The following BRINP3 variants were observed in gnomAD, a reference collection of about 807,000 sequenced individuals.
BRINP3 encodes BMP/retinoic acid-inducible neural-specific protein 3.
In BRINP3, 19 loss-of-function variants were observed where a neutral mutation model predicts 71.0. The ratio of observed to expected loss-of-function variants is 0.27; its 90% CI spans 0.19 to 0.39. The LOEUF (loss-of-function observed/expected upper bound fraction) is 0.39, where lower values mean the gene tolerates loss of function less well. Among genes scored for constraint, BRINP3 ranks in the 10% least tolerant of loss-of-function variants. BRINP3 has a pLI of 1.00. For missense variants in BRINP3, 959 were observed against 940.8 expected, an observed-to-expected ratio of 1.02 and a Z score of -0.25; for synonymous variants, 380 against 337.7, an observed-to-expected ratio of 1.13 and a Z score of -1.37.
At chr1:190,122,490 A>C (rs890946120) in intron 7 of BRINP3, among the ~76,000 whole-genome samples, 6 of 149,054 alleles carry the variant, frequency 4.0e-5, no homozygotes, top group African/African-American at 1.5e-4. Context: ...TCAGAGGCAG[A>C]TTGAAGTAAT....
chr1:190,151,345 C>T (rs1260506845), intron 7 of BRINP3, among the ~76,000 whole-genome samples: 1 of 152,052 alleles, frequency 6.6e-6, no homozygotes, highest in Admixed American at 6.6e-5. Flanking sequence ...CGGTCAAAAA[C>T]ATTGTAAGAT....
intron 7 of BRINP3, among the ~76,000 whole-genome samples, chr1:190,127,488 T>G (rs1170042172): frequency 6.6e-6 from 1 of 151,880 alleles, no homozygotes; most frequent in African/African-American, 2.4e-5. Context: ...TCCTGTCTTT[T>G]CTTCTTTTTA....
In BRINP3 at chr1:190,307,258, G is replaced by GTTTTT. The variant is rs71123082; in HGVS notation, c.237-25513_237-25509dup. Among the ~76,000 whole-genome samples, 11 of 52,634 alleles carry GTTTTT rather than the reference G, an allele frequency of 2.1e-4. 1 individual carries two copies. Among genetic ancestry groups the GTTTTT allele is most frequent in the Admixed American group, 3.2e-4 (1 of 3,172 alleles). 34.5% of individuals were successfully genotyped at this position (52,634 alleles called of 152,430 possible). ...AACTGAGCTCCTCATTTAAAACATT[G>GTTTTT]TTTTTTTTTTTTTTTTTTTTTTTTT... On this transcript the variant is annotated intron_variant, in intron 2 of 7. Transcript: ENST00000367462.
chr1:190,249,270 A>G (rs1334848004), intron 4 of BRINP3, among the ~76,000 whole-genome samples: 1 of 151,828 alleles, frequency 6.6e-6, no homozygotes, highest in East Asian at 1.9e-4. Context: ...CACAGCACAG[A>G]CACTGAATAA....
intron 4 of BRINP3, among the ~76,000 whole-genome samples, chr1:190,245,654 C>A (rs1278971510): frequency 6.6e-6 from 1 of 151,804 alleles, no homozygotes; most frequent in Admixed American, 6.6e-5. Context: ...GCACAACGTG[C>A]AAGTTTGTTA....
At chr1:190,127,289 G>A (rs928006663) in intron 7 of BRINP3, among the ~76,000 whole-genome samples, 6 of 151,688 alleles carry the variant, frequency 4.0e-5, no homozygotes, top group Admixed American at 4.0e-4. Context: ...GCCTAAGTGA[G>A]AAACACCTAA....
intron 7 of BRINP3, among the ~76,000 whole-genome samples, chr1:190,148,820 GT>G (rs1462978069): frequency 3.3e-5 from 5 of 151,830 alleles, no homozygotes; most frequent in Admixed American, 6.6e-5. Flanking sequence ...ATTACTTAAT[GT>G]TTTTTGCATG....
chr1:190,444,326 TTTC>T (rs776258679), intron 2 of BRINP3, among the ~76,000 whole-genome samples: 19 of 150,362 alleles, frequency 1.3e-4, no homozygotes, highest in Non-Finnish European at 2.2e-4. Flanking sequence ...TAAATCCAAT[TTTC>T]TTCTTTTGTG....
chr1:190,264,711 A>G (rs375424120), intron 4 of BRINP3, among the ~76,000 whole-genome samples, 154 bp downstream of exon 4: 2 of 152,222 alleles, frequency 1.3e-5, no homozygotes, highest in South Asian at 4.1e-4. Flanking sequence ...TTCATCTTAA[A>G]TATATTACAT....
intron 2 of BRINP3, among the ~76,000 whole-genome samples, chr1:190,447,299 G>GTA (rs5779531): frequency 0.017 from 2,474 of 144,254 alleles, 66 homozygotes; most frequent in African/African-American, 0.058. Flanking sequence ...GTGTAAAATA[G>GTA]TATATATATA....
chr1:190,381,306 A>AAAAC (rs1553307287), intron 2 of BRINP3, among the ~76,000 whole-genome samples: 4,585 of 152,056 alleles, frequency 0.03, 118 homozygotes, highest in Non-Finnish European at 0.04. Context: ...AAACAAAAAA[A>AAAAC]CACCGACGAT....
chr1:190,377,537 G>A (rs1670257260), intron 2 of BRINP3, among the ~76,000 whole-genome samples: 1 of 145,598 alleles, frequency 6.9e-6, no homozygotes, highest in African/African-American at 2.6e-5. Flanking sequence ...ATCTCTACTT[G>A]CAGAGGAAAT....
chr1:190,098,214 T>C lies in BRINP3; in HGVS notation c.2105A>G (p.Gln702Arg). The C allele has an allele frequency of 6.2e-7, 1 of 1,614,172 alleles. No homozygotes were observed. The highest frequency in any genetic ancestry group is 8.5e-7 in the Non-Finnish European group (1 of 1,180,038). ...TACACGGTCTCTGATCTCTAGTAGT[T>C]GCAAAAGTGCTGAATCCTGGGATCC... is the stretch of plus-strand genomic sequence containing the variant. The part of the protein sequence containing the change: ...TQGSQDSALL[Q>R]LLEIRDRVNK... Residue 702 changes from glutamine (Q) to arginine (R), a missense_variant, in exon 8 of 8, where the codon CAA (glutamine) becomes CGA (arginine). Gln to Arg is a conservative substitution (Grantham distance 43). Coordinates refer to ENST00000367462, the MANE Select transcript of BRINP3 (RefSeq NM_199051.3).
intron 2 of BRINP3, among the ~76,000 whole-genome samples, chr1:190,295,883 G>T (rs1168659730): frequency 2.0e-5 from 3 of 151,902 alleles, no homozygotes; most frequent in Non-Finnish European, 4.4e-5. Flanking sequence ...CCCCTCTTTT[G>T]GTTATTATAC....
chr1:190,453,251 C>G (rs1372258179), intron 2 of BRINP3, among the ~76,000 whole-genome samples: 1 of 77,504 alleles, frequency 1.3e-5, no homozygotes, highest in Non-Finnish European at 2.4e-5. Context: ...GACGGAGGCT[C>G]GCTCTGTCGC....
At chr1:190,385,039 C>T (rs1388959132) in intron 2 of BRINP3, among the ~76,000 whole-genome samples, 1 of 151,888 alleles carries the variant, frequency 6.6e-6, no homozygotes, top group Non-Finnish European at 1.5e-5. Flanking sequence ...AAACTGGATC[C>T]CTTCCTTACA....
chr1:190,112,304 G>T (rs1652763963), intron 7 of BRINP3, among the ~76,000 whole-genome samples: 1 of 152,144 alleles, frequency 6.6e-6, no homozygotes, highest in Non-Finnish European at 1.5e-5. Flanking sequence ...CCATATCACA[G>T]TGTTCCTGCA....
intron 2 of BRINP3, among the ~76,000 whole-genome samples, chr1:190,353,865 T>A (rs995363732): frequency 2.0e-5 from 3 of 152,008 alleles, no homozygotes; most frequent in Non-Finnish European, 2.9e-5. Flanking sequence ...CCCTTTAACA[T>A]CCTCTAAATA....
chr1:190,232,991 C>T (rs1423883473), intron 5 of BRINP3, among the ~76,000 whole-genome samples: 15 of 152,014 alleles, frequency 9.9e-5, no homozygotes, highest in Admixed American at 9.2e-4. Flanking sequence ...AATTGGATAA[C>T]ATTTAAATTG....
Sources: gnomAD v4.1 joint callset for allele counts (sites outside exome capture counted in the v4.1 genomes callset) on GRCh38, gnomAD v4.1.1 for gene constraint, MANE v1.5 for transcripts, NCBI Gene and HGNC (gene_info 2026-07-23, HGNC 2026-07-21) for gene names.